The following SEC23B variants were observed in gnomAD, a reference collection of about 807,000 sequenced individuals.
SEC23B encodes SEC23 homolog B, COPII component, also known as protein transport protein Sec23B.
Under a neutral mutation model 104.3 loss-of-function variants are expected in SEC23B, and 77 were observed. The ratio of observed to expected loss-of-function variants is 0.74; its 90% CI spans 0.61 to 0.89. The LOEUF is 0.89. Ranked by LOEUF, SEC23B falls within the 40% of genes least tolerant of loss-of-function variation. SEC23B has a pLI of 0.00. For synonymous variants in SEC23B, 338 were observed against 332.5 expected, an observed-to-expected ratio of 1.02 and a Z score of -0.18; for missense variants, 885 against 949.4, an observed-to-expected ratio of 0.93 and a Z score of 0.89.
intron 18 of SEC23B, 111 bp downstream of exon 18, chr20:18,554,501 C>T (rs2060417605): frequency 7.4e-7 from 1 of 1,351,018 alleles, no homozygotes; most frequent in African/African-American, 1.4e-5. Context: ...TAAATTGACA[C>T]ACAGGTAATC....
chr20:18,541,497 T>C (rs570146782), intron 12 of SEC23B, among the ~76,000 whole-genome samples: 1 of 152,378 alleles, frequency 6.6e-6, no homozygotes, highest in Admixed American at 6.5e-5. Flanking sequence ...GTGTGACTCT[T>C]CCTTTCACTT....
intron 16 of SEC23B, among the ~76,000 whole-genome samples, chr20:18,550,142 T>C (rs994610316): frequency 3.1e-5 from 4 of 128,612 alleles, no homozygotes; most frequent in African/African-American, 1.1e-4. Context: ...ATATAAAATA[T>C]TACTTACAAA....
At chr20:18,510,741 T>A (rs552687471) in intron 1 of SEC23B, 81 bp from the exon 2 acceptor site, 2 of 1,068,096 alleles carry the variant, frequency 1.9e-6, no homozygotes, top group African/African-American at 3.1e-5. Context: ...AGAAACACTG[T>A]GTTACATGAC....
intron 19 of SEC23B, among the ~76,000 whole-genome samples, chr20:18,556,179 C>G (rs2060436331): frequency 6.6e-6 from 1 of 152,122 alleles, no homozygotes; most frequent in Non-Finnish European, 1.5e-5. Context: ...TGAAGCTTCA[C>G]TTACTTACCT....
At chr20:18,519,135 A>G (rs1317969938) in intron 4 of SEC23B, among the ~76,000 whole-genome samples, 1 of 152,204 alleles carries the variant, frequency 6.6e-6, no homozygotes, top group African/African-American at 2.4e-5. Flanking sequence ...TGGAACTGCC[A>G]TCAATAAACC....
At chr20:18,519,573 T>C (rs1410682137) in intron 4 of SEC23B, among the ~76,000 whole-genome samples, 1 of 152,116 alleles carries the variant, frequency 6.6e-6, no homozygotes, top group Non-Finnish European at 1.5e-5. Context: ...GAATTCCGAC[T>C]GTACAGCTCT....
chr20:18,546,123 A>G (rs2060329361), intron 15 of SEC23B, 90 bp downstream of exon 15: 2 of 811,170 alleles, frequency 2.5e-6, no homozygotes, highest in Middle Eastern at 3.4e-4. Flanking sequence ...AGACTTTTTA[A>G]TGTGTTGAGA....
In SEC23B at chr20:18,510,922, G is replaced by A. The variant is rs2059976029; in HGVS notation, c.87G>A (p.Leu29=). ...GGAACGTGTGGCCTTCCAGCCGGCTGGAGGCTACAAGAATGGTTGTACCCC... is the reference window on the plus strand; with the variant it reads ...GGAACGTGTGGCCTTCCAGCCGGCTAGAGGCTACAAGAATGGTTGTACCCC... ...FSWNVWPSSR[L]EATRMVVPLA... The change falls in exon 2 of 20, where the codon CTG becomes CTA. Residue 29 remains leucine (L), a synonymous_variant. Transcript: ENST00000650089. 1 of 1,614,136 alleles carries A rather than the reference G, an allele frequency of 6.2e-7. No homozygotes were observed.
chr20:18,523,709 T>C (rs1336134022), intron 4 of SEC23B, among the ~76,000 whole-genome samples: 4 of 139,984 alleles, frequency 2.9e-5, no homozygotes, highest in African/African-American at 1.1e-4. Flanking sequence ...CCTCTTTTTC[T>C]TTTTTTTTTT....
At chr20:18,519,057 C>T (rs531703020) in intron 4 of SEC23B, among the ~76,000 whole-genome samples, 1 of 152,232 alleles carries the variant, frequency 6.6e-6, no homozygotes, top group Admixed American at 6.5e-5. Context: ...GAGTGGTAGC[C>T]TCAATGATAG....
At chr20:18,554,193 T>C in intron 17 of SEC23B, 42 bp from the exon 18 acceptor site, 1 of 1,612,438 alleles carries the variant, frequency 6.2e-7, no homozygotes, top group Non-Finnish European at 8.5e-7. Context: ...AGGCTGTTAT[T>C]ACAGTTTCCA....
intron 12 of SEC23B, 43 bp downstream of exon 12, chr20:18,535,785 G>T (rs1568613194): frequency 1.4e-6 from 2 of 1,460,882 alleles, no homozygotes. Flanking sequence ...TTAGTGTCCT[G>T]TTTTGTGATT....
In SEC23B at chr20:18,544,030, C is replaced by T. The variant is rs1175639663; in HGVS notation, c.1665+858C>T. On this transcript the variant is annotated intron_variant, in intron 14 of 19. Coordinates refer to ENST00000650089, the MANE Select transcript of SEC23B (RefSeq NM_006363.6). ...TCGGGCGCCCAAAGCTGACGCTCAC[C>T]TCCAGCACTCTCTACTGACAACGCT... Among the ~76,000 whole-genome samples the T allele has an allele frequency of 7.9e-5, 12 of 152,290 alleles. 1 individual carries two copies. In the Middle Eastern group the frequency reaches 0.017, roughly 216 times the overall value.
intron 15 of SEC23B, among the ~76,000 whole-genome samples, chr20:18,546,775 G>A (rs757795003): frequency 5.3e-5 from 8 of 152,252 alleles, no homozygotes; most frequent in East Asian, 1.9e-4. Flanking sequence ...GCCCTGGACC[G>A]GCCAGAGTCA....
intron 16 of SEC23B, among the ~76,000 whole-genome samples, chr20:18,549,912 T>C (rs183808095): frequency 3.5e-4 from 53 of 151,870 alleles, no homozygotes; most frequent in African/African-American, 1.3e-3. Flanking sequence ...AGGCGGAGGC[T>C]GCAGTGAGTT....
intron 16 of SEC23B, among the ~76,000 whole-genome samples, chr20:18,549,216 A>G (rs6112022): frequency 0.68 from 103,434 of 151,998 alleles, 36,636 homozygotes; most frequent in Non-Finnish European, 0.8. Flanking sequence ...TATTCATGGA[A>G]GATTGGTTCC....
chr20:18,524,384 T>C, intron 4 of SEC23B, 49 bp from the exon 5 acceptor site: 1 of 1,386,050 alleles, frequency 7.2e-7, no homozygotes, highest in South Asian at 1.2e-5. Context: ...AAAGTGCTGG[T>C]TAAGTCTATT....
In SEC23B at chr20:18,530,761, T is replaced by C. The variant is rs1320815642; in HGVS notation, c.1191T>C (p.Asn397=). 8.1e-6 allele frequency: 13 copies of C among 1,613,570 alleles called. No homozygotes were observed. The highest frequency in any genetic ancestry group is 1.1e-5 in the Non-Finnish European group (13 of 1,179,656). ...TFQRIFTKDF[N]GDFRMAFGAT... is the part of the protein sequence containing the mutation. ...AAAGAATCTTTACTAAAGATTTTAA[T>C]GGAGATTTCCGAATGGCATTTGGTG... The change falls in exon 10 of 20, where the codon AAT becomes AAC. Residue 397 remains asparagine, a synonymous_variant. Coordinates refer to ENST00000650089, the MANE Select transcript of SEC23B (RefSeq NM_006363.6).
chr20:18,549,795 A>G (rs542408410), intron 16 of SEC23B, among the ~76,000 whole-genome samples: 2 of 152,080 alleles, frequency 1.3e-5, no homozygotes, highest in South Asian at 2.1e-4. Flanking sequence ...AGCCTGGCCA[A>G]TGTGGCGAAA....
Sources: allele counts gnomAD v4.1 joint callset (sites outside exome capture counted in the v4.1 genomes callset), GRCh38; gene constraint gnomAD v4.1.1; transcripts MANE v1.5; gene names NCBI Gene and HGNC (gene_info 2026-07-23, HGNC 2026-07-21).